ITGA9: variants seen among roughly 807,000 people sequenced by gnomAD.
The protein encoded by ITGA9 is integrin alpha-9.
In ITGA9, 56 loss-of-function variants were observed where a neutral mutation model predicts 127.8. That is an observed-to-expected ratio of 0.44 (90% CI 0.35 to 0.55). The LOEUF (loss-of-function observed/expected upper bound fraction) is 0.55. ITGA9 is among the 20% of genes least tolerant of loss of function. The pLI, the probability that ITGA9 is intolerant of heterozygous loss-of-function variation, is 0.00. For synonymous variants in ITGA9, 508 were observed against 514.5 expected, an observed-to-expected ratio of 0.99 and a Z score of 0.17; for missense variants, 1,196 against 1,347.1, an observed-to-expected ratio of 0.89 and a Z score of 1.76.
intron 15 of ITGA9, among the ~76,000 whole-genome samples, chr3:37,573,896 C>G (rs905283968): frequency 2.0e-5 from 3 of 152,146 alleles, no homozygotes; most frequent in African/African-American, 7.2e-5. Context: ...TATCTCTGAA[C>G]TAGGCAGAAT....
In ITGA9 at chr3:37,675,837, G is replaced by A. The variant is rs371350621; in HGVS notation, c.1917-8028G>A. 4.2e-4 allele frequency among the ~76,000 whole-genome samples: 61 copies of A among 143,984 alleles called. 2 individuals carry two copies. The South Asian group carries it at 0.011, about 25-fold the overall frequency. 94.5% of individuals were successfully genotyped at this position (143,984 alleles called of 152,430 possible). ...CGGCTCACTGCAATTTCTGCCTCCC[G>A]GGTTCCAGCCATTCTCCTGCCTCAG... On this transcript the variant is annotated intron_variant, in intron 17 of 27. Coordinates refer to ENST00000264741, the MANE Select transcript of ITGA9 (RefSeq NM_002207.3).
rs777697219 is a variant in ITGA9, at chr3:37,806,290, T to G, written c.3009+2348T>G. 1.4e-4 allele frequency: 21 copies of G among 149,136 alleles called. No individual in the cohort carries two copies. Among genetic ancestry groups the G allele is most frequent in the Admixed American group, 1.2e-3 (18 of 15,150 alleles). The allele number at this position is 149,136 out of a possible 1,614,324, so 9.2% of individuals were successfully genotyped here. On this transcript the variant is annotated intron_variant, in intron 27 of 27. Transcript: ENST00000264741. This position sits in a 1 kb window ranked among gnomAD's most constrained non-coding sequence, Gnocchi z 4.3. ...TGGTGCATGAGTGTGTGTGGGTGTG[T>G]GTGTGTGTGCGTGCGCGTGTGTGTG...
intron 27 of ITGA9, among the ~76,000 whole-genome samples, chr3:37,816,164 G>C (rs1044365357): frequency 3.9e-5 from 6 of 152,190 alleles, no homozygotes; most frequent in Non-Finnish European, 8.8e-5. Context: ...GGGTATGTGG[G>C]CATCTTTGCA....
chr3:37,640,979 G>A (rs1044315418), intron 16 of ITGA9, among the ~76,000 whole-genome samples: 2 of 152,156 alleles, frequency 1.3e-5, no homozygotes, highest in Non-Finnish European at 2.9e-5. Context: ...GGATGAGGCC[G>A]TCATGGGAGC....
chr3:37,724,850 T>G (rs1701229939), intron 18 of ITGA9, among the ~76,000 whole-genome samples: 1 of 152,166 alleles, frequency 6.6e-6, no homozygotes, highest in South Asian at 2.1e-4. Flanking sequence ...GTCTGACATC[T>G]TGTAGGTGTT....
chr3:37,733,364 A>G (rs904478996), intron 19 of ITGA9, among the ~76,000 whole-genome samples: 3 of 152,164 alleles, frequency 2.0e-5, no homozygotes, highest in East Asian at 1.9e-4. Context: ...CATTCATGGA[A>G]CATTGTAGTA....
chr3:37,732,596 C>T, intron 18 of ITGA9, 116 bp from the exon 19 acceptor site: 1 of 782,740 alleles, frequency 1.3e-6, no homozygotes, highest in Non-Finnish European at 2.2e-6. Context: ...GCATCTCGTC[C>T]CACTGGTGCC....
intron 20 of ITGA9, among the ~76,000 whole-genome samples, chr3:37,739,046 G>C (rs1177296333): frequency 6.6e-6 from 1 of 152,082 alleles, no homozygotes; most frequent in Admixed American, 6.5e-5. Flanking sequence ...TTTTCAGAAG[G>C]GCTCACCAAA....
chr3:37,622,482 A>G (rs898990829), intron 15 of ITGA9, among the ~76,000 whole-genome samples: 12 of 152,158 alleles, frequency 7.9e-5, no homozygotes, highest in Non-Finnish European at 1.8e-4. Context: ...GGTACAGTTT[A>G]TAATAAGGAT....
chr3:37,503,436 A>T, intron 6 of ITGA9, 129 bp downstream of exon 6: 1 of 1,037,552 alleles, frequency 9.6e-7, no homozygotes, highest in Non-Finnish European at 1.5e-6. Context: ...CTAATGACTT[A>T]CATCTTTAGC....
intron 18 of ITGA9, among the ~76,000 whole-genome samples, chr3:37,718,201 C>T (rs576649674): frequency 5.9e-5 from 9 of 152,326 alleles, no homozygotes; most frequent in East Asian, 3.9e-4. Flanking sequence ...AGAAAACATA[C>T]GTGTCTCACA....
intron 18 of ITGA9, among the ~76,000 whole-genome samples, chr3:37,706,671 G>A (rs1701009379): frequency 1.3e-5 from 2 of 152,122 alleles, no homozygotes; most frequent in African/African-American, 4.8e-5. Context: ...ATTGAGTTTG[G>A]GTGCCCTCAG....
intron 23 of ITGA9, among the ~76,000 whole-genome samples, chr3:37,758,211 T>C (rs1289060056): frequency 6.7e-6 from 1 of 148,180 alleles, no homozygotes; most frequent in Non-Finnish European, 1.5e-5. Context: ...TAGTCCCAGA[T>C]ACTCGGGAGG....
intron 14 of ITGA9, among the ~76,000 whole-genome samples, chr3:37,540,488 T>C (rs967695715): frequency 6.6e-6 from 1 of 152,210 alleles, no homozygotes; most frequent in Non-Finnish European, 1.5e-5. Context: ...CTGCTATCCA[T>C]GCATTCAAAA....
intron 19 of ITGA9, among the ~76,000 whole-genome samples, chr3:37,733,236 A>G (rs1318747700): frequency 1.3e-5 from 2 of 152,316 alleles, no homozygotes; most frequent in East Asian, 3.9e-4. Flanking sequence ...AAAATTCTCA[A>G]AACATAAATA....
At chr3:37,748,559 C>T (rs1303785108) in intron 22 of ITGA9, 4 of 451,142 alleles carry the variant, frequency 8.9e-6, no homozygotes, top group South Asian at 2.3e-5. Flanking sequence ...ACCAACCTGG[C>T]CAACATGGTG....
chr3:37,669,988 G>C (rs1368832819), intron 17 of ITGA9, among the ~76,000 whole-genome samples: 1 of 152,166 alleles, frequency 6.6e-6, no homozygotes, highest in African/African-American at 2.4e-5. Flanking sequence ...TTCTCACCAG[G>C]AGCACTGGAC....
intron 15 of ITGA9, among the ~76,000 whole-genome samples, chr3:37,575,443 A>G (rs1699644787): frequency 6.6e-6 from 1 of 152,176 alleles, no homozygotes; most frequent in African/African-American, 2.4e-5. Context: ...CAATGATGAC[A>G]ACTAGCGTTT....
chr3:37,686,313 C>G (rs1292882141), intron 18 of ITGA9, among the ~76,000 whole-genome samples: 1 of 152,024 alleles, frequency 6.6e-6, no homozygotes, highest in African/African-American at 2.4e-5. Context: ...TAGCCTTGGT[C>G]TGATTTATGG....
Sources: allele counts gnomAD v4.1 joint callset (sites outside exome capture counted in the v4.1 genomes callset), GRCh38; gene constraint gnomAD v4.1.1; non-coding constraint Gnocchi (gnomAD v3.1); transcripts MANE v1.5; gene names NCBI Gene and HGNC (gene_info 2026-07-23, HGNC 2026-07-21).